The following PCA3 variants were observed in gnomAD, a reference collection of about 807,000 sequenced individuals.
The protein encoded by PCA3 is Differential Display code 3.
intron 2 of PCA3, among the ~76,000 whole-genome samples, chr9:76,783,241 A>T (rs1472208120): frequency 6.6e-6 from 1 of 152,120 alleles, no homozygotes; most frequent in Non-Finnish European, 1.5e-5. Flanking sequence ...TGTTCCAGCA[A>T]TTCTCCTGCC....
chr9:76,771,000 G>A (rs940494674), intron 2 of PCA3, among the ~76,000 whole-genome samples: 2 of 152,064 alleles, frequency 1.3e-5, no homozygotes, highest in Admixed American at 1.3e-4. Context: ...CTAAATTTTT[G>A]CTACAAATTA....
chr9:76,768,579 A>ATGTG (rs1491333441), intron 2 of PCA3, among the ~76,000 whole-genome samples: 3 of 100,510 alleles, frequency 3.0e-5, no homozygotes, highest in African/African-American at 9.6e-5. Context: ...ATATATGTAT[A>ATGTG]TGTATGTGTG....
At chr9:76,779,430 T>C (rs1212485819) in intron 2 of PCA3, among the ~76,000 whole-genome samples, 2 of 152,144 alleles carry the variant, frequency 1.3e-5, no homozygotes, top group Admixed American at 1.3e-4. Flanking sequence ...TCAAGACAAA[T>C]AATCTATAGT....
chr9:76,779,661 A>T (rs2131163045), intron 2 of PCA3: 1 of 152,316 alleles, frequency 6.6e-6, no homozygotes, highest in East Asian at 1.9e-4. Flanking sequence ...GGTGCTCATA[A>T]ATTCTCCACT....
intron 2 of PCA3, chr9:76,784,041 A>G (rs2054709805): frequency 6.6e-6 from 1 of 152,012 alleles, no homozygotes; most frequent in African/African-American, 2.4e-5. Flanking sequence ...GCTCACTTGG[A>G]TTTATCCTCA....
At chr9:76,785,432 A>G (rs1416853229) in intron 2 of PCA3, 1 of 152,212 alleles carries the variant, frequency 6.6e-6, no homozygotes, top group Non-Finnish European at 1.5e-5. Flanking sequence ...TGTGAAGCAA[A>G]GGCAGGGAAC....
chr9:76,782,070 C>T (rs959111577), intron 2 of PCA3, among the ~76,000 whole-genome samples: 4 of 152,064 alleles, frequency 2.6e-5, no homozygotes, highest in African/African-American at 9.7e-5. Flanking sequence ...AAAAATTAGC[C>T]CAGCGTGGTG....
chr9:76,774,427 C>T (rs575105338), intron 2 of PCA3, among the ~76,000 whole-genome samples: 2 of 135,786 alleles, frequency 1.5e-5, no homozygotes, highest in Non-Finnish European at 1.5e-5. Context: ...CATGAGCCAT[C>T]GTTCCTGGCC....
At chr9:76,771,812 A>G (rs1257150162) in intron 2 of PCA3, among the ~76,000 whole-genome samples, 1 of 152,186 alleles carries the variant, frequency 6.6e-6, no homozygotes, top group Non-Finnish European at 1.5e-5. Context: ...TACTCCGTGT[A>G]CTGCCCACAA....
Position 76,767,323 on chromosome 9 carries a change from C to T in PCA3, n.852+30708C>T, listed in dbSNP as rs369629634. Among the ~76,000 whole-genome samples the T allele has an allele frequency of 5.0e-4, 76 of 152,176 alleles. 1 individual carries two copies. Among genetic ancestry groups the T allele is most frequent in the Admixed American group, 1.6e-3 (25 of 15,272 alleles). On this transcript the variant is annotated intron_variant and non_coding_transcript_variant, in intron 2 of 5. Coordinates refer to ENST00000644657, the Ensembl canonical transcript of PCA3. The stretch of plus-strand genomic sequence containing the variant: ...AAAATTATCTGGGCATGGTGGCACA[C>T]GCCTGTAATCCCAGCTACTCGAGAG...
intron 2 of PCA3, among the ~76,000 whole-genome samples, chr9:76,767,741 C>T (rs148346675): frequency 4.6e-5 from 7 of 152,090 alleles, no homozygotes; most frequent in African/African-American, 1.7e-4. Context: ...TAAATGAATC[C>T]AGCCTGCCCA....
At chr9:76,778,353 AT>A (rs1160362402) in intron 2 of PCA3, 2 of 152,232 alleles carry the variant, frequency 1.3e-5, no homozygotes, top group African/African-American at 4.8e-5. Flanking sequence ...CAATAAATTA[AT>A]TCACTGGCAT....
chr9:76,775,918 AC>A (rs869240203), intron 2 of PCA3, among the ~76,000 whole-genome samples: 3 of 129,300 alleles, frequency 2.3e-5, no homozygotes, highest in African/African-American at 1.1e-4. Context: ...TCCTATGACT[AC>A]ACATCCCTAA....
At chr9:76,781,260 C>T (rs1459626253) in intron 2 of PCA3, among the ~76,000 whole-genome samples, 1 of 152,076 alleles carries the variant, frequency 6.6e-6, no homozygotes, top group East Asian at 1.9e-4. Flanking sequence ...CAGTGGCTTC[C>T]CTTGAACTTA....
chr9:76,766,893 A>G (rs1057364889), intron 2 of PCA3, among the ~76,000 whole-genome samples: 3 of 152,130 alleles, frequency 2.0e-5, no homozygotes, highest in African/African-American at 7.2e-5. Flanking sequence ...ACAGGCATAC[A>G]CATACACAAC....
At chr9:76,772,990 T>C (rs1317385476) in intron 2 of PCA3, among the ~76,000 whole-genome samples, 1 of 152,202 alleles carries the variant, frequency 6.6e-6, no homozygotes, top group African/African-American at 2.4e-5. Context: ...AAATGTATGT[T>C]TCCTCCAAAA....
intron 2 of PCA3, among the ~76,000 whole-genome samples, chr9:76,767,460 AAAG>A (rs1405245002): frequency 1.2e-4 from 18 of 151,676 alleles, no homozygotes; most frequent in African/African-American, 2.7e-4. Flanking sequence ...TCAAAAAAAA[AAAG>A]AAAGAAAGAA....
chr9:76,765,166 T>C (rs562753972), intron 2 of PCA3, among the ~76,000 whole-genome samples: 51 of 152,182 alleles, frequency 3.4e-4, no homozygotes, highest in African/African-American at 1.1e-3. Context: ...TAGAGAAAAG[T>C]CAATGAGCTG....
chr9:76,781,414 G>A (rs1387352677), intron 2 of PCA3, among the ~76,000 whole-genome samples: 2 of 152,098 alleles, frequency 1.3e-5, no homozygotes, highest in African/African-American at 4.8e-5. Context: ...TCCTGAATGT[G>A]CCGACCTATT....
Sources: allele counts gnomAD v4.1 joint callset (sites outside exome capture counted in the v4.1 genomes callset), GRCh38; gene constraint gnomAD v4.1.1; transcripts MANE v1.5; gene names NCBI Gene and HGNC (gene_info 2026-07-23, HGNC 2026-07-21).